The following IRS2 variants were observed in gnomAD, a reference collection of about 807,000 sequenced individuals.
The protein encoded by IRS2 is insulin receptor substrate 2.
In IRS2, 28 loss-of-function variants were observed where a neutral mutation model predicts 70.9. The observed-to-expected ratio is 0.39, with a 90% CI of 0.29 to 0.54. The LOEUF (loss-of-function observed/expected upper bound fraction) is 0.54, where lower values mean the gene tolerates loss of function less well. Ranked by LOEUF, IRS2 falls within the 20% of genes least tolerant of loss-of-function variation. IRS2 has a pLI of 0.59. For missense variants in IRS2, 2,081 were observed against 2,024.1 expected (o/e 1.03, Z -0.54); for synonymous variants, 1,217 against 981.9 (o/e 1.24, Z -4.48).
rs2138940119 is a variant in IRS2 at position 109,786,073 on chromosome 13, G to A, written c.-20C>T. The A allele has an allele frequency of 9.1e-7, 1 of 1,094,896 alleles. No homozygotes were observed. The highest frequency in any genetic ancestry group is 1.1e-6 in the Non-Finnish European group (1 of 908,122). The allele number at this position is 1,094,896 out of a possible 1,614,324, so 67.8% of individuals were successfully genotyped here. ...CGCCATCGCGGGCGCTTCAGGCCGC[G>A]CGGCCCGGGCCCGGCGCCCAGGGGT... On this transcript the variant is annotated 5_prime_UTR_variant, in exon 1 of 2. Coordinates refer to ENST00000375856, the MANE Select transcript of IRS2 (RefSeq NM_003749.3). This position sits in a 1 kb window ranked among gnomAD's most constrained non-coding sequence, Gnocchi z 4.4.
rs780752046 is a variant in IRS2, at chr13:109,784,453, C to A, written c.1601G>T (p.Gly534Val). Residue 534 changes from glycine (G) to valine (V), a missense_variant, in exon 1 of 2, where the codon GGC (glycine) becomes GTC (valine). Gly to Val is a moderately radical substitution (Grantham distance 109). This residue lies in a region of IRS2 where 1,615 missense variants were observed against 1,459.5 expected (regional missense o/e 1.11). Coordinates refer to ENST00000375856, the MANE Select transcript of IRS2 (RefSeq NM_003749.3). This position sits in a 1 kb window ranked among gnomAD's most constrained non-coding sequence, Gnocchi z 5.2. Reference sequence around the variant, plus strand: ...GTACCCGTAGAACTCACCGCCGCCGCCGCCGTCTCGGGCCGGGGGCGTCTC... The same window carrying A: ...GTACCCGTAGAACTCACCGCCGCCGACGCCGTCTCGGGCCGGGGGCGTCTC... ...IAETPPARDG[G>V]GGGEFYGYMT... is the part of the protein sequence containing the mutation. 6.3e-7 allele frequency: 1 copy of A among 1,584,808 alleles called. No homozygotes were observed.
rs1302749652 is a variant in IRS2 at position 109,785,354 on chromosome 13, C to G, written c.700G>C (p.Glu234Gln). ...RTIGFVKLNCEQPSVTLQLMN... is the reference protein window; with the variant it reads ...RTIGFVKLNCQQPSVTLQLMN... ...AGCTGCAGCGTCACCGACGGCTGCT[C>G]GCAGTTGAGCTTCACGAAGCCGATG... The change falls in exon 1 of 2, where the codon GAG becomes CAG. Residue 234 changes from glutamate (E) to glutamine (Q), a missense_variant. This residue lies in a region of IRS2 where 320 missense variants were observed against 352.9 expected (regional missense o/e 0.91). Coordinates refer to ENST00000375856, the MANE Select transcript of IRS2 (RefSeq NM_003749.3). The surrounding 1 kb of genome is among the most constrained non-coding windows in gnomAD (Gnocchi z 9.3). 3 of 1,611,842 alleles carry G rather than the reference C, an allele frequency of 1.9e-6. No individual in the cohort carries two copies. The highest frequency in any genetic ancestry group is 2.2e-5 in the South Asian group (2 of 90,982).
In IRS2 at chr13:109,782,199, G is replaced by T. The variant is rs746033800; in HGVS notation, c.3855C>A (p.Gly1285=). 5 of 1,606,060 alleles carry T rather than the reference G, an allele frequency of 3.1e-6. No individual in the cohort carries two copies. Among genetic ancestry groups the T allele is most frequent in the South Asian group, 2.2e-5 (2 of 90,558 alleles). ...LPQPGDKSSW[G]RTRSLGGLIS... is the part of the protein sequence containing the mutation. ...TGAGACCCCCGAGGCTTCGGGTCCG[G>T]CCCCAGGAGCTCTTGTCTCCCGGCT... Residue 1285 remains glycine, a synonymous_variant, in exon 1 of 2, where the codon GGC becomes GGA. Transcript: ENST00000375856.
At position 109,784,227 on chromosome 13, in the gene IRS2, C is replaced by A; in HGVS notation, c.1827G>T (p.Ala609=). ...TLMRATFSGS[A]GRLCPSCPAS... Reference sequence around the variant, plus strand: ...CGGGGCAGGACGGGCAGAGGCGGCCCGCGCTGCCCGAGAAGGTGGCCCGCA... The same window carrying A: ...CGGGGCAGGACGGGCAGAGGCGGCCAGCGCTGCCCGAGAAGGTGGCCCGCA... The change falls in exon 1 of 2, where the codon GCG becomes GCT. Residue 609 remains alanine, a synonymous_variant. Coordinates refer to ENST00000375856, the MANE Select transcript of IRS2 (RefSeq NM_003749.3). The surrounding 1 kb of genome is among the most constrained non-coding windows in gnomAD (Gnocchi z 5.2). The A allele has an allele frequency of 6.4e-7, 1 of 1,570,204 alleles. No homozygotes were observed. Among genetic ancestry groups the A allele is most frequent in the Non-Finnish European group, 8.6e-7 (1 of 1,157,430 alleles).
Position 109,783,732 on chromosome 13 carries a change from C to T in IRS2, c.2322G>A (p.Ala774=), listed in dbSNP as rs766971096. The change falls in exon 1 of 2, where the codon GCG becomes GCA. Residue 774 remains alanine, a synonymous_variant. Coordinates refer to ENST00000375856, the MANE Select transcript of IRS2 (RefSeq NM_003749.3). ...GDYLNVSPSD[A]VTTGTPPDFF... Reference sequence around the variant, plus strand: ...AGTCGGGCGGGGTGCCCGTGGTGACCGCGTCGCTGGGGGACACGTTGAGGT... The same window carrying T: ...AGTCGGGCGGGGTGCCCGTGGTGACTGCGTCGCTGGGGGACACGTTGAGGT... 6.3e-7 allele frequency: 1 copy of T among 1,581,118 alleles called. No homozygotes were observed. The highest frequency in any genetic ancestry group is 1.1e-5 in the South Asian group (1 of 87,118).
intron 1 of IRS2, among the ~76,000 whole-genome samples, chr13:109,758,297 ACT>A (rs1877150805): frequency 6.6e-6 from 1 of 152,140 alleles, no homozygotes; most frequent in South Asian, 2.1e-4. Context: ...GGTAACTGAG[ACT>A]CTGCAAATCC....
chr13:109,780,074 G>A (rs1464396613), intron 1 of IRS2, among the ~76,000 whole-genome samples: 1 of 152,140 alleles, frequency 6.6e-6, no homozygotes, highest in Non-Finnish European at 1.5e-5. Flanking sequence ...TGCTATGGCA[G>A]AGCCCACTGC....
chr13:109,763,588 G>T (rs1267739201), intron 1 of IRS2, among the ~76,000 whole-genome samples: 3 of 152,192 alleles, frequency 2.0e-5, no homozygotes, highest in African/African-American at 7.2e-5. Flanking sequence ...TGGGTCATTT[G>T]AGAATGTGAA....
At position 109,783,359 on chromosome 13, in the gene IRS2, G is replaced by A. The variant is rs1424799103; in HGVS notation, c.2695C>T (p.Pro899Ser). 6.5e-7 allele frequency: 1 copy of A among 1,547,710 alleles called. No homozygotes were observed. Among genetic ancestry groups the A allele is most frequent in the African/African-American group, 1.4e-5 (1 of 70,624 alleles). The change falls in exon 1 of 2, where the codon CCC becomes TCC. Residue 899 changes from proline to serine, a missense_variant. Transcript: ENST00000375856. ...RPTRLSLEGLPSLPSMHEYPL... is the reference protein window; with the variant it reads ...RPTRLSLEGLSSLPSMHEYPL... ...TACTCGTGCATGCTGGGCAGGCTGG[G>A]CAGCCCCTCCAGGGACAGGCGCGTG...
intron 1 of IRS2, among the ~76,000 whole-genome samples, chr13:109,776,211 T>TA (rs1435451492): frequency 1.3e-5 from 2 of 152,154 alleles, no homozygotes; most frequent in South Asian, 2.1e-4. Context: ...CAGTTATCTT[T>TA]AAAAAATATA....
At chr13:109,775,753 A>AAC (rs71127906) in intron 1 of IRS2, among the ~76,000 whole-genome samples, 19,491 of 140,302 alleles carry the variant, frequency 0.14, 1,367 homozygotes, top group African/African-American at 0.2. Flanking sequence ...ATATTATGGA[A>AAC]ACACACACAC....
Position 109,783,654 on chromosome 13 carries a change from G to T in IRS2, c.2400C>A (p.Gly800=), listed in dbSNP as rs750994392. Residue 800 remains glycine, a synonymous_variant, in exon 1 of 2, where the codon GGC becomes GGA. Transcript: ENST00000375856. Reference sequence around the variant, plus strand: ...AGCGGGGCAAGGAGCTGTAGCAGCAGCCGGGAACGCCCCTGAGCGGCTCCC... The same window carrying T: ...AGCGGGGCAAGGAGCTGTAGCAGCATCCGGGAACGCCCCTGAGCGGCTCCC... ...PGGEPLRGVP[G]CCYSSLPRSY... 10 of 1,554,588 alleles carry T rather than the reference G, an allele frequency of 6.4e-6. No homozygotes were observed. Among genetic ancestry groups the T allele is most frequent in the Admixed American group, 1.9e-5 (1 of 51,716 alleles).
chr13:109,785,754 G>A lies in IRS2; in HGVS notation c.300C>T (p.Asn100=), dbSNP rs1461285157. 2 of 1,595,852 alleles carry A rather than the reference G, an allele frequency of 1.3e-6. No homozygotes were observed. The highest frequency in any genetic ancestry group is 1.1e-5 in the South Asian group (1 of 90,446). Residue 100 remains asparagine, a synonymous_variant, in exon 1 of 2, where the codon AAC becomes AAT. Transcript: ENST00000375856. The surrounding 1 kb of genome is among the most constrained non-coding windows in gnomAD (Gnocchi z 9.3). The stretch of plus-strand genomic sequence containing the variant: ...GCTTGGCGTCGGCGCGCTTGTTGAT[G>A]TTCAGGCAGCAGTCGAGAGCGATCA... ...KRVIALDCCL[N]INKRADAKHK... is the part of the protein sequence containing the mutation.
chr13:109,757,819 T>G (rs1470365569), intron 1 of IRS2, among the ~76,000 whole-genome samples: 1 of 152,052 alleles, frequency 6.6e-6, no homozygotes, highest in Non-Finnish European at 1.5e-5. Context: ...GTAGCTGGGA[T>G]TACAGGTACG....
chr13:109,773,824 AC>A (rs1376441984), intron 1 of IRS2, among the ~76,000 whole-genome samples: 1 of 152,248 alleles, frequency 6.6e-6, no homozygotes, highest in East Asian at 1.9e-4. Context: ...TTCCACAAAT[AC>A]TAAGTTGTTC....
At chr13:109,764,015 T>C (rs559000727) in intron 1 of IRS2, among the ~76,000 whole-genome samples, 103 of 152,330 alleles carry the variant, frequency 6.8e-4, no homozygotes, top group African/African-American at 2.3e-3. Flanking sequence ...AATCCATCTA[T>C]CTAATTTAAA....
Position 109,785,247 on chromosome 13 carries a change from C to G in IRS2, c.807G>C (p.Glu269Asp), listed in dbSNP as rs778139684. 1 of 1,607,032 alleles carries G rather than the reference C, an allele frequency of 6.2e-7. No individual in the cohort carries two copies. The highest frequency in any genetic ancestry group is 2.2e-5 in the East Asian group (1 of 44,504). Reference protein sequence around the residue: ...VGRSAVTGPGELWMQADDSVV... With the variant: ...VGRSAVTGPGDLWMQADDSVV... ...CCGAGTCGTCCGCCTGCATCCACAG[C>G]TCGCCGGGGCCTGTGACGGCCGAGC... Residue 269 changes from glutamate (E) to aspartate (D), a missense_variant, in exon 1 of 2, where the codon GAG becomes GAC. Glu to Asp is a conservative substitution (Grantham distance 45, BLOSUM62 2). Coordinates refer to ENST00000375856, the MANE Select transcript of IRS2 (RefSeq NM_003749.3). The surrounding 1 kb of genome is among the most constrained non-coding windows in gnomAD (Gnocchi z 9.3).
Position 109,782,980 on chromosome 13 carries a change from G to A in IRS2, c.3074C>T (p.Pro1025Leu), listed in dbSNP as rs1450582670. 11 of 1,400,990 alleles carry A rather than the reference G, an allele frequency of 7.9e-6. No homozygotes were observed. The Middle Eastern group carries it at 1.4e-3, about 179-fold the overall frequency. The allele number at this position is 1,400,990 out of a possible 1,614,324, so 86.8% of individuals were successfully genotyped here. A position where few individuals can be genotyped will look rare whatever the true frequency, so the allele number is the denominator to read the frequency against. Reference protein sequence around the residue: ...PPLPPRPSASPSSSLQPPPPP... With the variant: ...PPLPPRPSASLSSSLQPPPPP... Reference sequence around the variant, plus strand: ...TGGCGGCGGCTGCAGAGACGACGACGGGGACGCGGACGGACGCGGGGGCAA... The same window carrying A: ...TGGCGGCGGCTGCAGAGACGACGACAGGGACGCGGACGGACGCGGGGGCAA... Residue 1025 changes from proline (P) to leucine (L), a missense_variant, in exon 1 of 2, where the codon CCG becomes CTG. Around this residue, in one of 4 missense-constraint regions of IRS2, gnomAD observed 1,615 missense variants for 1,459.5 expected, o/e 1.11. Coordinates refer to ENST00000375856, the MANE Select transcript of IRS2 (RefSeq NM_003749.3).
At position 109,785,630 on chromosome 13, in the gene IRS2, G is replaced by A. The variant is rs1048656666; in HGVS notation, c.424C>T (p.Leu142=). 6 of 1,534,662 alleles carry A rather than the reference G, an allele frequency of 3.9e-6. No individual in the cohort carries two copies. The African/African-American group carries it at 7.1e-5, about 18-fold the overall frequency. Residue 142 remains leucine, a synonymous_variant, in exon 1 of 2, where the codon CTG becomes TTG. Transcript: ENST00000375856. This position sits in a 1 kb window ranked among gnomAD's most constrained non-coding sequence, Gnocchi z 9.3. ...GCGGCCGCGCGGCCCTCGCTGACCA[G>A]GTCGGTGAGCGCGCGGTACCAGCCC... ...QEGWYRALTD[L]VSEGRAAAGD...
Sources: allele counts gnomAD v4.1 joint callset (sites outside exome capture counted in the v4.1 genomes callset), GRCh38; gene constraint gnomAD v4.1.1; regional missense constraint gnomAD v4.1.1; non-coding constraint Gnocchi (gnomAD v3.1); transcripts MANE v1.5; gene names NCBI Gene and HGNC (gene_info 2026-07-23, HGNC 2026-07-21).